Variants in KIF21B observed in about 807,000 individuals in gnomAD.
The protein encoded by KIF21B is kinesin family member 21B.
A neutral mutation model predicts 192.9 loss-of-function variants in KIF21B; 85 were observed. The observed-to-expected ratio is 0.44, with a 90% CI of 0.37 to 0.53. The LOEUF is 0.53. Ranked by LOEUF, KIF21B falls within the 20% of genes least tolerant of loss-of-function variation. The probability of loss-of-function intolerance (pLI) is 0.00; values close to 1 mark genes in which losing one functional copy is unlikely to be tolerated. For missense variants in KIF21B, 1,716 were observed against 2,194.8 expected, an observed-to-expected ratio of 0.78 and a Z score of 4.36; for synonymous variants, 832 against 884.6, an observed-to-expected ratio of 0.94 and a Z score of 1.05.
At position 200,984,987 on chromosome 1, in the gene KIF21B, C is replaced by A; in HGVS notation, c.3690-15G>T. The A allele has an allele frequency of 6.3e-7, 1 of 1,587,014 alleles. No individual in the cohort carries two copies. Among genetic ancestry groups the A allele is most frequent in the Non-Finnish European group, 8.6e-7 (1 of 1,162,680 alleles). On this transcript the variant is annotated splice_polypyrimidine_tract_variant and intron_variant, in intron 26 of 34. Transcript: ENST00000461742. ...CATCTGTGGACCTGGTGAGTCGGGA[C>A]AGAGGGCAGCCTGTTAGTGACCACC...
At chr1:200,984,281 C>A (rs915779522) in intron 27 of KIF21B, among the ~76,000 whole-genome samples, 22 of 152,200 alleles carry the variant, frequency 1.4e-4, no homozygotes, top group African/African-American at 5.1e-4. Context: ...GTTTCATAGC[C>A]TAATGAAATC....
rs1423199863 is a variant in KIF21B, at chr1:200,971,559, G to A, written c.*1962C>T. On this transcript the variant is annotated 3_prime_UTR_variant, in exon 35 of 35. Transcript: ENST00000461742. Reference sequence around the variant, plus strand: ...AAAACTTTCTGTTCAGGTTGGCGGGGAGGAGTGGGAAGAGATTTGTGGCCA... The same window carrying A: ...AAAACTTTCTGTTCAGGTTGGCGGGAAGGAGTGGGAAGAGATTTGTGGCCA... 1.3e-5 allele frequency: 2 copies of A among 152,472 alleles called. No homozygotes were observed. The highest frequency in any genetic ancestry group is 2.9e-5 in the Non-Finnish European group (2 of 68,106). 9.4% of individuals were successfully genotyped at this position (152,472 alleles called of 1,614,324 possible). A position where few individuals can be genotyped will look rare whatever the true frequency, so the allele number is the denominator to read the frequency against.
At position 200,975,060 on chromosome 1, in the gene KIF21B, A is replaced by G; in HGVS notation, c.4615-147T>C. On this transcript the variant is annotated intron_variant, in intron 33 of 34. Coordinates refer to ENST00000461742, the MANE Select transcript of KIF21B (RefSeq NM_001252102.2). This position sits in a 1 kb window ranked among gnomAD's most constrained non-coding sequence, Gnocchi z 4.3. ...ACGGGCGGGTGACACTGGTTCCAGG[A>G]GCCATGCTGGGGTGGCCTGTGCTGT... The G allele has an allele frequency of 1.3e-6, 1 of 777,026 alleles. No homozygotes were observed. 48.1% of individuals were successfully genotyped at this position (777,026 alleles called of 1,614,324 possible).
At chr1:201,003,830 C>T in intron 7 of KIF21B, 49 bp from the exon 8 acceptor site, 1 of 1,592,346 alleles carries the variant, frequency 6.3e-7, no homozygotes, top group South Asian at 1.1e-5. Context: ...CAGCCAGCCC[C>T]CAGAAGCATT....
chr1:201,020,265 C>T (rs1658740714), intron 1 of KIF21B, among the ~76,000 whole-genome samples: 1 of 152,192 alleles, frequency 6.6e-6, no homozygotes, highest in African/African-American at 2.4e-5. Flanking sequence ...CTTCCTTCCC[C>T]AATTTCAACT....
Position 200,973,791 on chromosome 1 carries a change from T to G in KIF21B, c.4815-213A>C, listed in dbSNP as rs1655357484. On this transcript the variant is annotated intron_variant, in intron 34 of 34. Coordinates refer to ENST00000461742, the MANE Select transcript of KIF21B (RefSeq NM_001252102.2). Reference sequence around the variant, plus strand: ...TGCACTCAGAGGCCCCCAGGGGAGCTTTGTCATGGGTTTTCTTTTTTTGGG... The same window carrying G: ...TGCACTCAGAGGCCCCCAGGGGAGCGTTGTCATGGGTTTTCTTTTTTTGGG... 4 of 1,436,886 alleles carry G rather than the reference T, an allele frequency of 2.8e-6. No homozygotes were observed. In the South Asian group the frequency reaches 6.0e-5, roughly 21 times the overall value. The allele number at this position is 1,436,886 out of a possible 1,614,324, so 89.0% of individuals were successfully genotyped here. A position where few individuals can be genotyped will look rare whatever the true frequency, so the allele number is the denominator to read the frequency against.
rs370076018 is a variant in KIF21B at position 200,990,186 on chromosome 1, G to A, written c.2982C>T (p.Asp994=). Residue 994 remains aspartate (D), a synonymous_variant, in exon 20 of 35, where the codon GAC becomes GAT. Coordinates refer to ENST00000461742, the MANE Select transcript of KIF21B (RefSeq NM_001252102.2). The surrounding 1 kb of genome is among the most constrained non-coding windows in gnomAD (Gnocchi z 5.4). ...TGGTGGCCTGGCAGTCGGTGATGCC[G>A]TCATTGATGTAGTCAATGTTGGCTG... ...VLAANIDYIN[D]GITDCQATIV... 5.2e-5 allele frequency: 84 copies of A among 1,614,042 alleles called. No individual in the cohort carries two copies. The African/African-American group carries it at 6.0e-4, about 12-fold the overall frequency.
intron 1 of KIF21B, among the ~76,000 whole-genome samples, chr1:201,013,268 C>G (rs917122460): frequency 2.6e-5 from 4 of 152,166 alleles, no homozygotes; most frequent in African/African-American, 9.7e-5. Context: ...GCCACTGCTT[C>G]CTTCTAGGTT....
rs372793178 is a variant in KIF21B, at chr1:200,982,922, A to G, written c.3842+134T>C. 7.9e-5 allele frequency: 61 copies of G among 775,284 alleles called. 6 individuals carry two copies. The highest frequency in any genetic ancestry group is 7.0e-4 in the African/African-American group (41 of 58,656). 48.0% of individuals were successfully genotyped at this position (775,284 alleles called of 1,614,324 possible). Reference sequence around the variant, plus strand: ...CAGGAACAGGTCTGGAGAGGGGGGCAGCAGGAAGGGGAGTGGAGGGGCCGC... The same window carrying G: ...CAGGAACAGGTCTGGAGAGGGGGGCGGCAGGAAGGGGAGTGGAGGGGCCGC... On this transcript the variant is annotated intron_variant, in intron 28 of 34. Transcript: ENST00000461742. The surrounding 1 kb of genome is among the most constrained non-coding windows in gnomAD (Gnocchi z 4.7).
chr1:201,010,338 C>T (rs940828016), intron 1 of KIF21B, among the ~76,000 whole-genome samples: 1 of 152,076 alleles, frequency 6.6e-6, no homozygotes, highest in Non-Finnish European at 1.5e-5. Flanking sequence ...GGGGTGCGCT[C>T]CCAACCCAGA....
chr1:200,973,733 G>A, intron 34 of KIF21B, 155 bp from the exon 35 acceptor site: 1 of 1,476,124 alleles, frequency 6.8e-7, no homozygotes, highest in Non-Finnish European at 8.9e-7. Context: ...GTGGACTGCA[G>A]GTGGTGGGGT....
In KIF21B at chr1:200,983,043, A is replaced by G. The variant is rs1419224544; in HGVS notation, c.3842+13T>C. The G allele has an allele frequency of 3.3e-6, 5 of 1,535,692 alleles. No homozygotes were observed. The highest frequency in any genetic ancestry group is 4.4e-6 in the Non-Finnish European group (5 of 1,146,596). Reference sequence around the variant, plus strand: ...GAGTGGGGAACCAAACACGAGAGACATTCTGTGTGTACCTCAGGACCTCCG... The same window carrying G: ...GAGTGGGGAACCAAACACGAGAGACGTTCTGTGTGTACCTCAGGACCTCCG... On this transcript the variant is annotated intron_variant, in intron 28 of 34. Transcript: ENST00000461742.
Position 200,975,598 on chromosome 1 carries a change from A to G in KIF21B, c.4515T>C (p.Asp1505=). The G allele has an allele frequency of 1.2e-6, 2 of 1,614,052 alleles. No homozygotes were observed. Among genetic ancestry groups the G allele is most frequent in the Non-Finnish European group, 1.7e-6 (2 of 1,179,936 alleles). The change falls in exon 33 of 35, where the codon GAT becomes GAC. Residue 1505 remains aspartate, a synonymous_variant. Coordinates refer to ENST00000461742, the MANE Select transcript of KIF21B (RefSeq NM_001252102.2). This position sits in a 1 kb window ranked among gnomAD's most constrained non-coding sequence, Gnocchi z 4.3. Reference sequence around the variant, plus strand: ...CCTGGATGGCGAGACACTCGATGCCATCGTAGTGCGGGGGCTCGAAGTTGT... The same window carrying G: ...CCTGGATGGCGAGACACTCGATGCCGTCGTAGTGCGGGGGCTCGAAGTTGT... ...PTHNFEPPHY[D]GIECLAIQGD... is the part of the protein sequence containing the mutation.
In KIF21B at chr1:201,023,705, C is replaced by G. The variant is rs1412839991; in HGVS notation, c.-322G>C. 1.3e-5 allele frequency: 2 copies of G among 151,566 alleles called. No homozygotes were observed. The highest frequency in any genetic ancestry group is 4.8e-5 in the African/African-American group (2 of 41,368). 9.4% of individuals were successfully genotyped at this position (151,566 alleles called of 1,614,324 possible). A position where few individuals can be genotyped will look rare whatever the true frequency, so the allele number is the denominator to read the frequency against. ...CCCACCCGGCAGCCACCTCCCGCCG[C>G]AGCGCGAACAAAGGGGGCGGGGGCC... On this transcript the variant is annotated 5_prime_UTR_variant, in exon 1 of 35. Coordinates refer to ENST00000461742, the MANE Select transcript of KIF21B (RefSeq NM_001252102.2). The surrounding 1 kb of genome is among the most constrained non-coding windows in gnomAD (Gnocchi z 5.9).
chr1:201,011,589 G>A (rs546646685), intron 1 of KIF21B, among the ~76,000 whole-genome samples: 51 of 152,346 alleles, frequency 3.3e-4, no homozygotes, highest in African/African-American at 1.2e-3. Context: ...TTAGAAGGAG[G>A]AGCGTGGCAT....
At chr1:200,984,809 C>A (rs1157014969) in intron 27 of KIF21B, 50 bp downstream of exon 27, 2 of 1,359,266 alleles carry the variant, frequency 1.5e-6, no homozygotes, top group Non-Finnish European at 2.0e-6. Context: ...CCACAGGCTC[C>A]CCATTGCCAC....
rs770788055 is a variant in KIF21B, at chr1:201,009,281, C to G, written c.249G>C (p.Val83=). The change falls in exon 2 of 35, where the codon GTG becomes GTC. Residue 83 remains valine (V), a synonymous_variant. Transcript: ENST00000461742. ...GATGGCTTACCTGCCCATAGGCCAG[C>G]ACCGTGGCATTATAGCCCTCGAAGC... is the stretch of plus-strand genomic sequence containing the variant. ...EGCFEGYNAT[V]LAYGQTGAGK... is the part of the protein sequence containing the mutation. 1.2e-6 allele frequency: 2 copies of G among 1,614,164 alleles called. No homozygotes were observed. Among genetic ancestry groups the G allele is most frequent in the Non-Finnish European group, 1.7e-6 (2 of 1,179,996 alleles).
intron 1 of KIF21B, among the ~76,000 whole-genome samples, chr1:201,022,183 A>G (rs1571980964): frequency 6.6e-6 from 1 of 152,348 alleles, no homozygotes; most frequent in East Asian, 1.9e-4. Flanking sequence ...GCCCTGGGGC[A>G]GGAAGAAGAA....
At position 201,023,256 on chromosome 1, in the gene KIF21B, G is replaced by A. The variant is rs919730578; in HGVS notation, c.41+87C>T. On this transcript the variant is annotated intron_variant, in intron 1 of 34. Transcript: ENST00000461742. The surrounding 1 kb of genome is among the most constrained non-coding windows in gnomAD (Gnocchi z 5.9). ...TCCGGGAGTGCAGGCTCCAGCCCAA[G>A]CGGTGCTCGCGCCCCCCGCCCAAAG... 1.9e-5 allele frequency: 23 copies of A among 1,204,718 alleles called. No individual in the cohort carries two copies. The highest frequency in any genetic ancestry group is 8.2e-5 in the Admixed American group (3 of 36,802). 74.6% of individuals were successfully genotyped at this position (1,204,718 alleles called of 1,614,324 possible). A position where few individuals can be genotyped will look rare whatever the true frequency, so the allele number is the denominator to read the frequency against.
Sources: allele counts gnomAD v4.1 joint callset (sites outside exome capture counted in the v4.1 genomes callset), GRCh38; gene constraint gnomAD v4.1.1; non-coding constraint Gnocchi (gnomAD v3.1); transcripts MANE v1.5; gene names NCBI Gene and HGNC (gene_info 2026-07-23, HGNC 2026-07-21).